Variants in UHRF1 observed in about 807,000 individuals in gnomAD.
The protein encoded by UHRF1 is E3 ubiquitin-protein ligase UHRF1.
UHRF1 carries 9 observed loss-of-function variants against 96.5 expected under a neutral mutation model. The observed-to-expected ratio is 0.09, with a 90% CI of 0.06 to 0.16. The LOEUF is 0.16. Ranked by LOEUF, UHRF1 falls within the 10% of genes least tolerant of loss-of-function variation. The probability of loss-of-function intolerance (pLI) is 1.00; values close to 1 mark genes in which losing one functional copy is unlikely to be tolerated. For missense variants in UHRF1, 626 were observed against 1,131.1 expected (o/e 0.55, Z 6.40); for synonymous variants, 455 against 469.9 (o/e 0.97, Z 0.41).
chr19:4,944,308 C>T lies in UHRF1; in HGVS notation c.1198-35C>T, dbSNP rs747956952. ...TGGCCCCTCCCCGCCTGCCAGGGCT[C>T]ACGCTGTTGTTCTTTGTGTCTGTGC... On this transcript the variant is annotated intron_variant, in intron 8 of 16. Coordinates refer to ENST00000650932, the MANE Select transcript of UHRF1 (RefSeq NM_001048201.3). 1.5e-5 allele frequency: 24 copies of T among 1,613,864 alleles called. No individual in the cohort carries two copies. The South Asian group carries it at 2.4e-4, about 16-fold the overall frequency.
chr19:4,907,942 C>G (rs926194316), upstream of UHRF1, among the ~76,000 whole-genome samples: 3 of 151,884 alleles, frequency 2.0e-5, no homozygotes, highest in African/African-American at 7.3e-5. Context: ...GAACTCCTGA[C>G]CTCAGGTGAT....
intron 2 of UHRF1, among the ~76,000 whole-genome samples, chr19:4,915,098 T>G (rs1327507075): frequency 6.6e-6 from 1 of 152,210 alleles, no homozygotes; most frequent in Non-Finnish European, 1.5e-5. Context: ...CTTCCATGCC[T>G]CAAAGGCAGG....
chr19:4,923,114 G>A (rs1187215757), intron 2 of UHRF1, among the ~76,000 whole-genome samples: 1 of 152,160 alleles, frequency 6.6e-6, no homozygotes, highest in Non-Finnish European at 1.5e-5. Flanking sequence ...CCAGACCACA[G>A]CCCTTGCCCC....
At chr19:4,917,506 T>A (rs1215234736) in intron 2 of UHRF1, among the ~76,000 whole-genome samples, 3 of 151,294 alleles carry the variant, frequency 2.0e-5, no homozygotes, top group Non-Finnish European at 4.4e-5. Flanking sequence ...ATACAAAAAT[T>A]AGCTGGGGAT....
At position 4,917,431 on chromosome 19, in the gene UHRF1, G is replaced by A. The variant is rs547791292; in HGVS notation, c.153+6393G>A. ...AGCACTTTGGGAGGCTGAGGCAGGC[G>A]GATCACGAGGTCAAGAGATCGAGAC... On this transcript the variant is annotated intron_variant, in intron 2 of 16. Coordinates refer to ENST00000650932, the MANE Select transcript of UHRF1 (RefSeq NM_001048201.3). Among the ~76,000 whole-genome samples, 25 of 151,772 alleles carry A rather than the reference G, an allele frequency of 1.6e-4. 1 individual carries two copies. The highest frequency in any genetic ancestry group is 5.5e-4 in the African/African-American group (23 of 41,442).
chr19:4,911,445 A>T (rs1294224328), intron 2 of UHRF1, among the ~76,000 whole-genome samples: 1 of 152,060 alleles, frequency 6.6e-6, no homozygotes, highest in Non-Finnish European at 1.5e-5. Context: ...TCCACCACCA[A>T]TTGCTCTCAG....
intron 16 of UHRF1, among the ~76,000 whole-genome samples, chr19:4,959,860 G>C (rs1302243444): frequency 1.3e-5 from 2 of 151,088 alleles, no homozygotes; most frequent in African/African-American, 2.4e-5. Context: ...TAATTTTTTT[G>C]TTTTTGTTTT....
At chr19:4,950,801 CTCTG>C in intron 12 of UHRF1, 28 bp downstream of exon 12, 3 of 1,613,902 alleles carry the variant, frequency 1.9e-6, no homozygotes, top group Non-Finnish European at 2.5e-6. Flanking sequence ...AGGCCGGGGG[CTCTG>C]TCCCCGCCGG....
chr19:4,949,429 G>C (rs1255583519), intron 11 of UHRF1, among the ~76,000 whole-genome samples: 1 of 151,584 alleles, frequency 6.6e-6, no homozygotes, highest in Non-Finnish European at 1.5e-5. Context: ...AAAAATGTAA[G>C]ATGTAATGTT....
upstream of UHRF1, among the ~76,000 whole-genome samples, chr19:4,907,775 C>T (rs143678988): frequency 0.014 from 1,858 of 134,776 alleles, 39 homozygotes; most frequent in African/African-American, 0.05. Flanking sequence ...TGCAATGGCG[C>T]GATCTTGGCT....
At chr19:4,931,426 G>A (rs953639867) in intron 4 of UHRF1, among the ~76,000 whole-genome samples, 11 of 151,782 alleles carry the variant, frequency 7.2e-5, no homozygotes, top group Non-Finnish European at 1.5e-4. Context: ...ACAGGTGCCC[G>A]CCACCACACC....
intron 2 of UHRF1, among the ~76,000 whole-genome samples, chr19:4,923,620 C>G (rs1002939995): frequency 6.6e-6 from 1 of 152,236 alleles, no homozygotes; most frequent in Non-Finnish European, 1.5e-5. Flanking sequence ...GCAGCTGCCC[C>G]TCTGCGCACG....
intron 7 of UHRF1, among the ~76,000 whole-genome samples, chr19:4,942,871 G>A (rs886105583): frequency 6.6e-6 from 1 of 152,090 alleles, no homozygotes; most frequent in Non-Finnish European, 1.5e-5. Flanking sequence ...CCAGGAGGTC[G>A]AGGGTGCAGT....
chr19:4,923,210 C>A (rs1021871443), intron 2 of UHRF1, among the ~76,000 whole-genome samples: 3 of 152,214 alleles, frequency 2.0e-5, no homozygotes, highest in Non-Finnish European at 4.4e-5. Flanking sequence ...TCTGTCTCCT[C>A]CCCGACTTGT....
intron 11 of UHRF1, among the ~76,000 whole-genome samples, chr19:4,947,728 T>C (rs893289991): frequency 6.6e-6 from 1 of 150,884 alleles, no homozygotes; most frequent in Non-Finnish European, 1.5e-5. Flanking sequence ...CTCGAACTCC[T>C]GACCTCAGGT....
intron 7 of UHRF1, among the ~76,000 whole-genome samples, chr19:4,943,677 G>A (rs1332348472): frequency 6.6e-6 from 1 of 151,904 alleles, no homozygotes; most frequent in Non-Finnish European, 1.5e-5. Flanking sequence ...TTGAGATAGA[G>A]TCTTGCTCTG....
In UHRF1 at chr19:4,954,278, G is replaced by C; in HGVS notation, c.1819-72G>C. 1.3e-6 allele frequency: 2 copies of C among 1,565,614 alleles called. No homozygotes were observed. The highest frequency in any genetic ancestry group is 1.7e-6 in the Non-Finnish European group (2 of 1,154,974). On this transcript the variant is annotated intron_variant, in intron 13 of 16. Coordinates refer to ENST00000650932, the MANE Select transcript of UHRF1 (RefSeq NM_001048201.3). The surrounding 1 kb of genome is among the most constrained non-coding windows in gnomAD (Gnocchi z 5.9). The stretch of plus-strand genomic sequence containing the variant: ...CTGGAAACCCAGACCTGGCAAGGAG[G>C]CTGGAAGAGCGGGCTCTGCATAGCG...
At chr19:4,925,251 T>C (rs1335808094) in intron 2 of UHRF1, among the ~76,000 whole-genome samples, 2 of 152,218 alleles carry the variant, frequency 1.3e-5, no homozygotes, top group East Asian at 3.8e-4. Context: ...TTTTGTCACC[T>C]TGAAAGGAAA....
rs1183550773 is a variant in UHRF1 at position 4,909,677 on chromosome 19, G to C, written c.-11+22G>C. 7.7e-6 allele frequency: 4 copies of C among 521,124 alleles called. No individual in the cohort carries two copies. The Admixed American group carries it at 1.7e-4, about 22-fold the overall frequency. The allele number at this position is 521,124 out of a possible 1,614,324, so 32.3% of individuals were successfully genotyped here. On this transcript the variant is annotated intron_variant, in intron 1 of 16. Transcript: ENST00000650932. Reference sequence around the variant, plus strand: ...AGAGGTGAGCGGGCGGGCCGGGTCGGGGTGCCAGCCCGGGCCGGGCGCACG... The same window carrying C: ...AGAGGTGAGCGGGCGGGCCGGGTCGCGGTGCCAGCCCGGGCCGGGCGCACG...
Sources: gnomAD v4.1 joint callset for allele counts (sites outside exome capture counted in the v4.1 genomes callset) on GRCh38, gnomAD v4.1.1 for gene constraint, Gnocchi (gnomAD v3.1) non-coding constraint, MANE v1.5 for transcripts, NCBI Gene and HGNC (gene_info 2026-07-23, HGNC 2026-07-21) for gene names.